Variants in ANXA9 observed in about 807,000 individuals in gnomAD.
ANXA9 encodes annexin 31.
Under a neutral mutation model 51.8 loss-of-function variants are expected in ANXA9, and 47 were observed. The ratio of observed to expected loss-of-function variants is 0.91; its 90% CI spans 0.72 to 1.16. The LOEUF is 1.16. Ranked by LOEUF, ANXA9 falls within the 50% of genes most tolerant of loss-of-function variation. The probability of loss-of-function intolerance (pLI) is 0.00; values close to 1 mark genes in which losing one functional copy is unlikely to be tolerated. For synonymous variants in ANXA9, 154 were observed against 168.7 expected, an observed-to-expected ratio of 0.91 and a Z score of 0.68; for missense variants, 361 against 424.7, an observed-to-expected ratio of 0.85 and a Z score of 1.32.
At chr1:150,987,744 A>G in intron 9 of ANXA9, 128 bp from the exon 10 acceptor site, 1 of 750,892 alleles carries the variant, frequency 1.3e-6, no homozygotes, top group Non-Finnish European at 2.2e-6. Context: ...AAAAAAAAAA[A>G]TCCTTTTCCA....
chr1:150,982,333 C>T lies in ANXA9; in HGVS notation c.-160C>T. On this transcript the variant is annotated 5_prime_UTR_variant, in exon 1 of 14. Transcript: ENST00000368947. ...CGGAGGCAGTGCTCACACAGGCAAG[C>T]TACCAGGCCACAACAACGACACCCA... The T allele has an allele frequency of 6.5e-6, 1 of 153,364 alleles. No individual in the cohort carries two copies. Among genetic ancestry groups the T allele is most frequent in the Non-Finnish European group, 1.5e-5 (1 of 68,668 alleles). 9.5% of individuals were successfully genotyped at this position (153,364 alleles called of 1,614,324 possible).
chr1:150,986,683 G>A, intron 9 of ANXA9, 22 bp downstream of exon 9: 2 of 1,567,500 alleles, frequency 1.3e-6, no homozygotes, highest in Non-Finnish European at 1.7e-6. Context: ...GTTTAGGAGT[G>A]TGCACAGCCG....
chr1:150,983,771 C>A (rs1353252567), intron 4 of ANXA9, among the ~76,000 whole-genome samples: 1 of 152,190 alleles, frequency 6.6e-6, no homozygotes, highest in Non-Finnish European at 1.5e-5. Context: ...ACCAGGCCAC[C>A]TTTGCCTTGG....
intron 12 of ANXA9, among the ~76,000 whole-genome samples, chr1:150,990,462 G>T (rs1671668329): frequency 6.6e-6 from 1 of 152,148 alleles, no homozygotes; most frequent in African/African-American, 2.4e-5. Context: ...CACCTTCTGG[G>T]TTCAAGTGAT....
Position 150,986,406 on chromosome 1 carries a change from C to T in ANXA9, c.543C>T (p.Ala181=), listed in dbSNP as rs1671558630. 1.2e-6 allele frequency: 2 copies of T among 1,613,970 alleles called. No homozygotes were observed. The highest frequency in any genetic ancestry group is 1.1e-5 in the South Asian group (1 of 91,080). The change falls in exon 8 of 14, where the codon GCC becomes GCT. Residue 181 remains alanine, a synonymous_variant. Transcript: ENST00000368947. ...GCATCTTGCAGGACCTGCTGTTGGC[C>T]CTGGCCAAGGTGAGGAGGACTGACC... ...TSGILQDLLL[A]LAKGGRDSYS...
intron 3 of ANXA9, 50 bp from the exon 4 acceptor site, chr1:150,983,288 G>T: frequency 2.5e-6 from 4 of 1,604,552 alleles, no homozygotes; most frequent in Admixed American, 1.7e-5. Flanking sequence ...TGCTGAGGAG[G>T]TGTAGGCAGC....
chr1:150,995,193 G>A, intron 13 of ANXA9, 67 bp from the exon 14 acceptor site: 2 of 1,519,340 alleles, frequency 1.3e-6, no homozygotes, highest in South Asian at 1.2e-5. Context: ...CAGCCCAAAG[G>A]AGGGGAGAGA....
chr1:150,992,560 C>T (rs1204725593), intron 12 of ANXA9, among the ~76,000 whole-genome samples: 1 of 150,802 alleles, frequency 6.6e-6, no homozygotes, highest in Non-Finnish European at 1.5e-5. Flanking sequence ...ACAAACAAAC[C>T]ATATATATAT....
chr1:150,993,752 A>G (rs943986444), intron 12 of ANXA9, among the ~76,000 whole-genome samples: 3 of 148,424 alleles, frequency 2.0e-5, no homozygotes, highest in African/African-American at 7.5e-5. Context: ...CTCCTGCCTC[A>G]GCCTTCCAAG....
chr1:150,988,186 G>A lies in ANXA9; in HGVS notation c.793G>A (p.Ala265Thr), dbSNP rs767764082. ...TGCTCAGGTGGCTCTGCTCGGCCTA[G>A]GTAGGGGCCTGCTCAGGATTTGTGA... is the stretch of plus-strand genomic sequence containing the variant. ...GDAQVALLGLASVIKNTPLYF... is the reference protein window; with the variant it reads ...GDAQVALLGLTSVIKNTPLYF... Residue 265 changes from alanine (A) to threonine (T), a missense_variant and splice_region_variant, in exon 11 of 14, where the codon GCT (alanine) becomes ACT (threonine). Ala to Thr is a moderately conservative substitution (Grantham distance 58, BLOSUM62 0). Transcript: ENST00000368947. The A allele has an allele frequency of 5.6e-6, 9 of 1,614,226 alleles. No individual in the cohort carries two copies. The South Asian group carries it at 8.8e-5, about 16-fold the overall frequency.
intron 6 of ANXA9, 64 bp downstream of exon 6, chr1:150,984,458 G>GC: frequency 3.8e-6 from 6 of 1,578,978 alleles, no homozygotes; most frequent in Non-Finnish European, 5.2e-6. Flanking sequence ...CCTTGCTTTT[G>GC]CAAGACGAGA....
intron 9 of ANXA9, 116 bp from the exon 10 acceptor site, chr1:150,987,756 C>A: frequency 1.2e-6 from 1 of 855,360 alleles, no homozygotes. Flanking sequence ...CCTTTTCCAC[C>A]CTCAATCCCA....
rs776779606 is a variant in ANXA9, at chr1:150,994,681, C to A, written c.957C>A (p.Ser319=). 9.3e-6 allele frequency: 15 copies of A among 1,613,860 alleles called. No homozygotes were observed. The East Asian group carries it at 3.3e-4, about 36-fold the overall frequency. The change falls in exon 13 of 14, where the codon TCC becomes TCA. Residue 319 remains serine (S), a synonymous_variant. Coordinates refer to ENST00000368947, the MANE Select transcript of ANXA9 (RefSeq NM_003568.3). ...RAEFRKKFGK[S]LYSSLQDAVK... is the part of the protein sequence containing the mutation. ...AGTTCAGGAAGAAATTTGGGAAGTC[C>A]CTCTACTCTTCTCTCCAGGTGAAAC...
intron 13 of ANXA9, 126 bp from the exon 14 acceptor site, chr1:150,995,134 C>A: frequency 1.0e-6 from 1 of 953,218 alleles, no homozygotes; most frequent in Non-Finnish European, 1.6e-6. Flanking sequence ...TAGTGCAGGA[C>A]TCTGAGCTCC....
At chr1:150,989,630 G>A (rs1235013796) in intron 12 of ANXA9, among the ~76,000 whole-genome samples, 2 of 152,086 alleles carry the variant, frequency 1.3e-5, no homozygotes, top group African/African-American at 4.8e-5. Flanking sequence ...GGCGGAGGTT[G>A]TAGTGAACCA....
intron 12 of ANXA9, among the ~76,000 whole-genome samples, chr1:150,990,512 G>T (rs115773278): frequency 6.6e-6 from 1 of 152,106 alleles, no homozygotes; most frequent in African/African-American, 2.4e-5. Context: ...GATTACAGGC[G>T]TAGGCCACCA....
chr1:150,982,108 T>A (rs996311141), upstream of ANXA9: 1 of 152,518 alleles, frequency 6.6e-6, no homozygotes, highest in African/African-American at 2.4e-5. Context: ...TTCACTCACA[T>A]GGATTGAGGC....
chr1:150,994,172 G>C (rs1671777254), intron 12 of ANXA9, among the ~76,000 whole-genome samples: 1 of 152,116 alleles, frequency 6.6e-6, no homozygotes, highest in South Asian at 2.1e-4. Context: ...TATCCTCCTT[G>C]GATATTCACT....
chr1:150,986,449 C>A, intron 8 of ANXA9, 34 bp downstream of exon 8: 1 of 1,607,374 alleles, frequency 6.2e-7, no homozygotes, highest in Non-Finnish European at 8.5e-7. Flanking sequence ...AAGGGAGTCA[C>A]GTTCACCAGG....
Sources: allele counts gnomAD v4.1 joint callset (sites outside exome capture counted in the v4.1 genomes callset), GRCh38; gene constraint gnomAD v4.1.1; transcripts MANE v1.5; gene names NCBI Gene and HGNC (gene_info 2026-07-23, HGNC 2026-07-21).